Variants in ALG13 observed in about 807,000 individuals in gnomAD.
ALG13 encodes ALG13 UDP-N-acetylglucosaminyltransferase subunit.
Under a neutral mutation model 87.8 loss-of-function variants are expected in ALG13, and 11 were observed. The ratio of observed to expected loss-of-function variants is 0.13; its 90% CI spans 0.08 to 0.21. The LOEUF is 0.21. ALG13 is among the 10% of genes least tolerant of loss of function. The probability of loss-of-function intolerance (pLI) is 1.00; values close to 1 mark genes in which losing one functional copy is unlikely to be tolerated. For synonymous variants in ALG13, 320 were observed against 306.3 expected, an observed-to-expected ratio of 1.04 and a Z score of -0.47; for missense variants, 756 against 866.1, an observed-to-expected ratio of 0.87 and a Z score of 1.60.
At chrX:111,719,332 G>T (rs1941106228) in intron 10 of ALG13, among the ~76,000 whole-genome samples, 1 of 111,505 alleles carries the variant, frequency 9.0e-6, no homozygotes, top group Non-Finnish European at 1.9e-5. Flanking sequence ...GCAGAAGAGG[G>T]TTTTTAAAGC....
At chrX:111,689,214 A>G in intron 3 of ALG13, 1 of 750,404 alleles carries the variant, frequency 1.3e-6, no homozygotes, top group Middle Eastern at 7.6e-4. Flanking sequence ...AATCTGGTTG[A>G]GAATTCACAG....
intron 5 of ALG13, chrX:111,710,919 G>C (rs1370371892): frequency 9.0e-6 from 1 of 111,240 alleles, no homozygotes; most frequent in Non-Finnish European, 1.9e-5. Flanking sequence ...GGATGGTCTC[G>C]ATCTCCTGAC....
chrX:111,754,076 C>G (rs947294912), intron 25 of ALG13, among the ~76,000 whole-genome samples: 1 of 111,801 alleles, frequency 8.9e-6, no homozygotes, highest in Non-Finnish European at 1.9e-5. Context: ...TTATCCACCA[C>G]AATCAAGTTG....
rs2147595118 is a variant in ALG13, at chrX:111,681,308, G to T, written c.81+9G>T. The T allele has an allele frequency of 1.5e-5, 18 of 1,211,173 alleles. No individual in the cohort carries two copies. Among genetic ancestry groups the T allele is most frequent in the Non-Finnish European group, 2.0e-5 (18 of 895,010 alleles). On this transcript the variant is annotated intron_variant, in intron 1 of 26. Transcript: ENST00000394780. Reference sequence around the variant, plus strand: ...CGCCCGACAGTCTGCAAGTGAGTGAGGGAGGCGAGCAGGCGGCGGCTTGGC... The same window carrying T: ...CGCCCGACAGTCTGCAAGTGAGTGATGGAGGCGAGCAGGCGGCGGCTTGGC...
chrX:111,751,590 A>G (rs1944751302), intron 24 of ALG13, among the ~76,000 whole-genome samples: 1 of 111,808 alleles, frequency 8.9e-6, no homozygotes, highest in Non-Finnish European at 1.9e-5. Context: ...AAGTTATTTG[A>G]TACATACATG....
rs1336309698 is a variant in ALG13, at chrX:111,707,689, CTG to C, written c.384-336_384-335del. ...AAGGAGCAGGGAATTTGGGGAGAGA[CTG>C]TAGTTGAAAATTCAGCTAGAGATCT... is the stretch of plus-strand genomic sequence containing the variant. On this transcript the variant is annotated intron_variant, in intron 3 of 26. Transcript: ENST00000394780. Among the ~76,000 whole-genome samples, 7 of 111,861 alleles carry C rather than the reference CTG, an allele frequency of 6.3e-5. No homozygotes were observed. In the East Asian group the frequency reaches 1.4e-3, roughly 22 times the overall value.
Position 111,717,859 on chromosome X carries a change from A to G in ALG13, c.1019A>G (p.Tyr340Cys), listed in dbSNP as rs762425402. ...GTTTTTCTTTAGATTCTACTCTGCT[A>G]CTCAAGTAGTGGTCACTATGATTCT... ...NGYEDKILLC[Y>C]SSSGHYDSVY... Residue 340 changes from tyrosine to cysteine, a missense_variant, in exon 9 of 27, where the codon TAC (tyrosine) becomes TGC (cysteine). By Grantham distance (194) the Tyr-to-Cys change is radical. Around this residue, in one of 9 missense-constraint regions of ALG13, gnomAD observed 60 missense variants for 54.5 expected, o/e 1.10. Transcript: ENST00000394780. 6.7e-6 allele frequency: 8 copies of G among 1,198,828 alleles called. No homozygotes were observed. In the East Asian group the frequency reaches 1.2e-4, roughly 18 times the overall value.
chrX:111,686,254 A>G (rs892227650), intron 3 of ALG13: 17 of 409,153 alleles, frequency 4.2e-5, no homozygotes, highest in Non-Finnish European at 6.2e-5. Context: ...TAGAATTACT[A>G]TATATGTGTA....
At chrX:111,688,432 T>C (rs768512024) in intron 3 of ALG13, 31 of 747,067 alleles carry the variant, frequency 4.1e-5, no homozygotes, top group Non-Finnish European at 4.7e-5. Context: ...GAACCAAATT[T>C]AAAAAATGAT....
At chrX:111,754,484 C>G in intron 25 of ALG13, among the ~76,000 whole-genome samples, 1 of 111,981 alleles carries the variant, frequency 8.9e-6, no homozygotes, top group Non-Finnish European at 1.9e-5. Context: ...CAGGAAGTCA[C>G]TTTGTCTTTG....
At chrX:111,707,743 G>A (rs1254722323) in intron 3 of ALG13, among the ~76,000 whole-genome samples, 2 of 111,736 alleles carry the variant, frequency 1.8e-5, no homozygotes, top group African/African-American at 3.3e-5. Flanking sequence ...GCAATGTAAT[G>A]TGGACCAGGC....
intron 13 of ALG13, 95 bp downstream of exon 13, chrX:111,722,952 CTTTTTA>C (rs1941561766): frequency 1.7e-6 from 1 of 603,012 alleles, no homozygotes; most frequent in Non-Finnish European, 2.6e-6. Context: ...GTACTAGAAA[CTTTTTA>C]TTTATATTTT....
At position 111,708,356 on chromosome X, in the gene ALG13, A is replaced by G. The variant is rs754144956; in HGVS notation, c.713A>G (p.Lys238Arg). 3.3e-6 allele frequency: 4 copies of G among 1,211,838 alleles called. No homozygotes were observed. The highest frequency in any genetic ancestry group is 4.5e-6 in the Non-Finnish European group (4 of 895,363). Reference protein sequence around the residue: ...SLGLFRKLTAKDASCLFRAIS... With the variant: ...SLGLFRKLTARDASCLFRAIS... ...GGGCTGTTTCGAAAGCTGACTGCCA[A>G]GGATGCCTCTTGCCTCTTTCGGGCC... Residue 238 changes from lysine to arginine, a missense_variant, in exon 4 of 27, where the codon AAG (lysine) becomes AGG (arginine). By Grantham distance (26) the Lys-to-Arg change is conservative. Transcript: ENST00000394780.
At chrX:111,757,837 A>G (rs1945408152) in intron 26 of ALG13, 75 bp downstream of exon 26, 2 of 989,100 alleles carry the variant, frequency 2.0e-6, no homozygotes, top group Non-Finnish European at 2.8e-6. Context: ...TAGCTTTCAT[A>G]TATTTCATCA....
intron 25 of ALG13, among the ~76,000 whole-genome samples, chrX:111,757,116 A>G (rs1945326936): frequency 8.9e-6 from 1 of 111,763 alleles, no homozygotes; most frequent in Non-Finnish European, 1.9e-5. Context: ...TACTTTATAT[A>G]TTTTCTTACA....
chrX:111,758,927 A>G (rs1048623877), intron 26 of ALG13, among the ~76,000 whole-genome samples: 7 of 111,366 alleles, frequency 6.3e-5, no homozygotes, highest in Non-Finnish European at 1.1e-4. Context: ...TGTTATAAGA[A>G]CTAATTGGGA....
At chrX:111,689,972 T>C in intron 3 of ALG13, 1 of 753,749 alleles carries the variant, frequency 1.3e-6, no homozygotes, top group Non-Finnish European at 1.6e-6. Flanking sequence ...TTTCTGAGTT[T>C]TTGGAATTTA....
In ALG13 at chrX:111,760,111, A is replaced by G; in HGVS notation, c.*112A>G. 1.3e-6 allele frequency: 1 copy of G among 798,408 alleles called. No homozygotes were observed. 65.8% of individuals were successfully genotyped at this position (798,408 alleles called of 1,213,427 possible). ...TTAGGTGATTAGTGTTTACTATTGT[A>G]TTTGTCTTTAAAATTATTTTATCTT... On this transcript the variant is annotated 3_prime_UTR_variant, in exon 27 of 27. Coordinates refer to ENST00000394780, the MANE Select transcript of ALG13 (RefSeq NM_001099922.3).
At chrX:111,706,899 T>C (rs1266918976) in intron 3 of ALG13, among the ~76,000 whole-genome samples, 1 of 104,700 alleles carries the variant, frequency 9.6e-6, no homozygotes, top group Non-Finnish European at 1.9e-5. Context: ...GGAGCAGTCA[T>C]GATTACTACT....
Sources: allele counts gnomAD v4.1 joint callset (sites outside exome capture counted in the v4.1 genomes callset), GRCh38; gene constraint gnomAD v4.1.1; regional missense constraint gnomAD v4.1.1; transcripts MANE v1.5; gene names NCBI Gene and HGNC (gene_info 2026-07-23, HGNC 2026-07-21).